RGPD4: variants seen among roughly 807,000 people sequenced by gnomAD.
RGPD4 encodes the protein RANBP2 like and GRIP domain containing 4, also known as ranBP2-like and GRIP domain-containing protein 4.
RGPD4 carries 84 observed loss-of-function variants against 141.1 expected under a neutral mutation model. That is an observed-to-expected ratio of 0.60 (90% CI 0.50 to 0.71). RGPD4 has a LOEUF of 0.71. Ranked by LOEUF, RGPD4 falls within the 30% of genes least tolerant of loss-of-function variation. RGPD4 has a pLI of 0.00. For missense variants in RGPD4, 918 were observed against 1,622.4 expected, an observed-to-expected ratio of 0.57 and a Z score of 7.46; for synonymous variants, 298 against 566.8, an observed-to-expected ratio of 0.53 and a Z score of 6.74.
chr2:107,854,769 A>T (rs1404221645), intron 8 of RGPD4, 126 bp downstream of exon 8: 108 of 1,297,718 alleles, frequency 8.3e-5, no homozygotes, highest in Non-Finnish European at 1.1e-4. Context: ...TCGCCGTATC[A>T]GTTAAGAGCA....
intron 7 of RGPD4, among the ~76,000 whole-genome samples, chr2:107,853,675 A>G (rs1161777874): frequency 6.4e-5 from 6 of 94,226 alleles, no homozygotes; most frequent in Non-Finnish European, 1.3e-4. Context: ...TAAATTTTCC[A>G]TTTCTCTGAA....
In RGPD4 at chr2:107,891,976, A is replaced by G; in HGVS notation, c.*1245A>G. Among the ~76,000 whole-genome samples the G allele has an allele frequency of 1.9e-5, 2 of 106,490 alleles. 1 individual carries two copies. 69.9% of individuals were successfully genotyped at this position (106,490 alleles called of 152,430 possible). On this transcript the variant is annotated 3_prime_UTR_variant, in exon 23 of 23. Transcript: ENST00000408999. ...AAACTGTGTTGTTCTTAAATCAAAA[A>G]TTGGATAATTTTTAATATTTATGTA... is the stretch of plus-strand genomic sequence containing the variant.
chr2:107,874,487 G>C (rs1683032316), intron 20 of RGPD4, among the ~76,000 whole-genome samples: 2 of 66,906 alleles, frequency 3.0e-5, no homozygotes, highest in South Asian at 1.2e-3. Context: ...CAATGATAAA[G>C]TAACAATCTC....
At position 107,827,083 on chromosome 2, in the gene RGPD4, AAGGTGAG is replaced by A; in HGVS notation, c.71_72+5del. On this transcript the variant is annotated splice_donor_variant and splice_donor_5th_base_variant and coding_sequence_variant and intron_variant, in exon 1 of 23. Coordinates refer to ENST00000408999, the MANE Select transcript of RGPD4 (RefSeq NM_182588.3). LOFTEE classifies it high-confidence loss of function. ...GCAGGGCTCCGCCCCGTCGCCTCGA[AAGGTGAG>A]TGGATCTCGAAGAGACCGACGGCCT... 6.3e-7 allele frequency: 1 copy of A among 1,590,324 alleles called. No homozygotes were observed. The highest frequency in any genetic ancestry group is 1.1e-5 in the South Asian group (1 of 87,280).
In RGPD4 at chr2:107,859,721, G is replaced by A; in HGVS notation, c.1635-1G>A. The A allele has an allele frequency of 6.2e-7, 1 of 1,611,166 alleles. No homozygotes were observed. Among genetic ancestry groups the A allele is most frequent in the Non-Finnish European group, 8.5e-7 (1 of 1,179,810 alleles). The stretch of plus-strand genomic sequence containing the variant: ...TTTTAGTAAATTGAACTATTTTTTA[G>A]ACCTGGAAACTCAGCAAAATTGAGA... On this transcript the variant is annotated splice_acceptor_variant, in intron 11 of 22. Transcript: ENST00000408999. LOFTEE classifies it high-confidence loss of function.
chr2:107,849,034 CAT>C (rs1347105817), intron 7 of RGPD4, among the ~76,000 whole-genome samples: 4 of 112,584 alleles, frequency 3.6e-5, no homozygotes, highest in Non-Finnish European at 7.2e-5. Flanking sequence ...TCTTTGAAAA[CAT>C]AAAACCTTTT....
Position 107,861,574 on chromosome 2 carries a change from TA to T in RGPD4, c.2059-16del, listed in dbSNP as rs1682540071. 1.9e-6 allele frequency: 3 copies of T among 1,610,528 alleles called. No homozygotes were observed. Among genetic ancestry groups the T allele is most frequent in the East Asian group, 2.2e-5 (1 of 44,828 alleles). ...TTGTTTTAAAAAGCTAATGATTTCA[TA>T]AAAGCATTATTTGTATAGATTTTTC... On this transcript the variant is annotated intron_variant, in intron 14 of 22. Coordinates refer to ENST00000408999, the MANE Select transcript of RGPD4 (RefSeq NM_182588.3).
chr2:107,830,009 C>A (rs1277441786), intron 1 of RGPD4, among the ~76,000 whole-genome samples: 2 of 152,066 alleles, frequency 1.3e-5, no homozygotes, highest in Admixed American at 6.5e-5. Flanking sequence ...CATCTCAGCG[C>A]GGACATTTGC....
At chr2:107,857,297 C>G (rs897554183) in intron 9 of RGPD4, among the ~76,000 whole-genome samples, 1 of 151,594 alleles carries the variant, frequency 6.6e-6, no homozygotes, top group African/African-American at 2.4e-5. Context: ...CCACCATGCC[C>G]GGCTAATTTT....
At position 107,828,327 on chromosome 2, in the gene RGPD4, G is replaced by C. The variant is rs866520312; in HGVS notation, c.72+1242G>C. Among the ~76,000 whole-genome samples, 21 of 23,230 alleles carry C rather than the reference G, an allele frequency of 9.0e-4. 1 individual carries two copies. The South Asian group carries it at 0.05, about 55-fold the overall frequency. The allele number at this position is 23,230 out of a possible 152,430, so 15.2% of individuals were successfully genotyped here. A position where few individuals can be genotyped will look rare whatever the true frequency, so the allele number is the denominator to read the frequency against. ...TCTGTTGAGGCGGCGGCCTCGACCCGGCCCGGCGGCGGCCTCGATGGCTCA... is the reference window on the plus strand; with the variant it reads ...TCTGTTGAGGCGGCGGCCTCGACCCCGCCCGGCGGCGGCCTCGATGGCTCA... On this transcript the variant is annotated intron_variant, in intron 1 of 22. Coordinates refer to ENST00000408999, the MANE Select transcript of RGPD4 (RefSeq NM_182588.3).
chr2:107,865,894 A>G (rs1373646764), intron 17 of RGPD4, among the ~76,000 whole-genome samples: 35 of 143,028 alleles, frequency 2.4e-4, no homozygotes, highest in African/African-American at 9.5e-4. Flanking sequence ...ACATGGTGAA[A>G]CCGCATCTCT....
At chr2:107,884,145 C>G (rs546617394) in intron 22 of RGPD4, among the ~76,000 whole-genome samples, 2 of 151,734 alleles carry the variant, frequency 1.3e-5, no homozygotes, top group Non-Finnish European at 2.9e-5. Flanking sequence ...TAGTGTTGCT[C>G]TGTCACCCTG....
At chr2:107,883,712 AC>A (rs2104519018) in intron 22 of RGPD4, among the ~76,000 whole-genome samples, 1 of 150,292 alleles carries the variant, frequency 6.7e-6, no homozygotes, top group Non-Finnish European at 1.5e-5. Flanking sequence ...GATGTCATTA[AC>A]TTCTTTGAAA....
rs1178176592 is a variant in RGPD4 at position 107,829,474 on chromosome 2, G to C, written c.72+2389G>C. On this transcript the variant is annotated intron_variant, in intron 1 of 22. Coordinates refer to ENST00000408999, the MANE Select transcript of RGPD4 (RefSeq NM_182588.3). ...CTCTACCTGGCCCGGCGGCGGCCTC[G>C]ATGGCTCAGGCGTCATGGCTACCGA... 2.1e-4 allele frequency among the ~76,000 whole-genome samples: 17 copies of C among 80,056 alleles called. 1 individual carries two copies. Among genetic ancestry groups the C allele is most frequent in the African/African-American group, 7.5e-4 (16 of 21,340 alleles). 52.5% of individuals were successfully genotyped at this position (80,056 alleles called of 152,430 possible).
At chr2:107,848,576 C>A in intron 7 of RGPD4, 40 bp downstream of exon 7, 2 of 103,580 alleles carry the variant, frequency 1.9e-5, no homozygotes, top group Non-Finnish European at 3.2e-5. Flanking sequence ...TTCACGGAGT[C>A]TTGATGTGTT....
chr2:107,875,261 C>T lies in RGPD4; in HGVS notation c.4924+2333C>T, dbSNP rs575524107. The stretch of plus-strand genomic sequence containing the variant: ...GGGAAACAGATGAAAGTAACTTTAT[C>T]GATAGATTTGATTTAACTCATTATG... On this transcript the variant is annotated intron_variant, in intron 20 of 22. Transcript: ENST00000408999. Among the ~76,000 whole-genome samples, 4 of 64,248 alleles carry T rather than the reference C, an allele frequency of 6.2e-5. No individual in the cohort carries two copies. In the East Asian group the frequency reaches 9.0e-4, roughly 14 times the overall value. The allele number at this position is 64,248 out of a possible 152,430, so 42.1% of individuals were successfully genotyped here.
At position 107,863,697 on chromosome 2, in the gene RGPD4, T is replaced by G. The variant is rs1472797593; in HGVS notation, c.2469+665T>G. Among the ~76,000 whole-genome samples the G allele has an allele frequency of 2.8e-3, 427 of 151,946 alleles. 9 individuals are homozygous for G. Among genetic ancestry groups the G allele is most frequent in the African/African-American group, 9.4e-3 (389 of 41,248 alleles). ...TAGTAGACACAGAGTTTCACCATGT[T>G]GGCCAGGCTGGTTTTGAACTTCTGA... On this transcript the variant is annotated intron_variant, in intron 17 of 22. Transcript: ENST00000408999.
chr2:107,846,720 A>C (rs1007174098), intron 6 of RGPD4, among the ~76,000 whole-genome samples: 1 of 150,406 alleles, frequency 6.6e-6, no homozygotes, highest in African/African-American at 2.5e-5. Context: ...CACCCGCCTC[A>C]GCCTCCCAAA....
chr2:107,852,023 T>C (rs1228154220), intron 7 of RGPD4, among the ~76,000 whole-genome samples: 1 of 150,974 alleles, frequency 6.6e-6, no homozygotes, highest in Non-Finnish European at 1.5e-5. Context: ...GGCGGATCAC[T>C]TGAGGTCAGG....
Sources: gnomAD v4.1 joint callset for allele counts (sites outside exome capture counted in the v4.1 genomes callset) on GRCh38, gnomAD v4.1.1 for gene constraint, MANE v1.5 for transcripts, NCBI Gene and HGNC (gene_info 2026-07-23, HGNC 2026-07-21) for gene names.